Variants in TENM4 observed in about 807,000 individuals in gnomAD.
TENM4 encodes the protein teneurin transmembrane protein 4, also known as teneurin-4.
TENM4 carries 82 observed loss-of-function variants against 243.3 expected under a neutral mutation model. The observed-to-expected ratio is 0.34, with a 90% CI of 0.28 to 0.40. The LOEUF (loss-of-function observed/expected upper bound fraction) is 0.40, where lower values mean the gene tolerates loss of function less well. Among genes scored for constraint, TENM4 ranks in the 10% least tolerant of loss-of-function variants. The pLI, the probability that TENM4 is intolerant of heterozygous loss-of-function variation, is 1.00. For missense variants in TENM4, 3,138 were observed against 3,673.3 expected, an observed-to-expected ratio of 0.85 and a Z score of 3.77; for synonymous variants, 1,412 against 1,456.3, an observed-to-expected ratio of 0.97 and a Z score of 0.69.
rs184657052 is a variant in TENM4 at position 78,958,587 on chromosome 11, T to C, written c.494-55064A>G. Among the ~76,000 whole-genome samples the C allele has an allele frequency of 3.1e-3, 468 of 152,346 alleles. 7 individuals carry two copies. Among genetic ancestry groups the C allele is most frequent in the Middle Eastern group, 6.8e-3 (2 of 294 alleles). On this transcript the variant is annotated intron_variant, in intron 6 of 33. Coordinates refer to ENST00000278550, the MANE Select transcript of TENM4 (RefSeq NM_001098816.3). ...TTCTGTGATACCCCACGGTCCTCTT[T>C]GCACTTTACATGGGGATTTTAGCAG...
intron 4 of TENM4, among the ~76,000 whole-genome samples, chr11:79,106,791 T>C (rs1861380626): frequency 6.6e-6 from 1 of 152,236 alleles, no homozygotes; most frequent in Admixed American, 6.5e-5. Context: ...CTTCTGCTTT[T>C]TCTACAACAG....
intron 1 of TENM4, among the ~76,000 whole-genome samples, chr11:79,357,588 C>T (rs1475437928): frequency 1.3e-5 from 2 of 152,220 alleles, no homozygotes; most frequent in African/African-American, 4.8e-5. Flanking sequence ...CCAACCTGAT[C>T]ATAACCCATT....
intron 6 of TENM4, among the ~76,000 whole-genome samples, chr11:78,978,185 A>G (rs963110500): frequency 6.6e-6 from 1 of 151,420 alleles, no homozygotes; most frequent in African/African-American, 2.5e-5. Context: ...GGGGAAAAAC[A>G]TACACTGCAG....
rs1388123302 is a variant in TENM4, at chr11:78,903,386, G to C, written c.631C>G (p.Pro211Ala). Residue 211 changes from proline (P) to alanine (A), a missense_variant, in exon 7 of 34, where the codon CCC becomes GCC. Around this residue, in one of 2 missense-constraint regions of TENM4, gnomAD observed 671 missense variants for 614.1 expected, o/e 1.09. Coordinates refer to ENST00000278550, the MANE Select transcript of TENM4 (RefSeq NM_001098816.3). ...GAGTGGTCCGTGGGGGCCGGGCTGG[G>C]GTTGCTCCTCGGCGTGAAGTTGCCC... ...NRGNFTPRSN[P>A]SPAPTDHSLS... The C allele has an allele frequency of 1.3e-6, 2 of 1,534,240 alleles. No individual in the cohort carries two copies. The highest frequency in any genetic ancestry group is 2.8e-5 in the African/African-American group (2 of 71,944).
intron 6 of TENM4, among the ~76,000 whole-genome samples, chr11:78,907,335 G>A (rs928124336): frequency 6.7e-6 from 1 of 149,912 alleles, no homozygotes. Flanking sequence ...CGACAAATAT[G>A]CACCCTCGTC....
chr11:79,085,778 G>A, intron 4 of TENM4, among the ~76,000 whole-genome samples: 1 of 152,214 alleles, frequency 6.6e-6, no homozygotes, highest in Non-Finnish European at 1.5e-5. Context: ...GAAGTCAGAT[G>A]CAGTCTTATT....
intron 14 of TENM4, among the ~76,000 whole-genome samples, chr11:78,807,018 G>C (rs892492137): frequency 6.6e-6 from 1 of 152,060 alleles, no homozygotes; most frequent in Non-Finnish European, 1.5e-5. Context: ...GTTGTGGCAC[G>C]GCCAGAATTT....
intron 15 of TENM4, among the ~76,000 whole-genome samples, chr11:78,796,444 T>C (rs919435140): frequency 6.6e-6 from 1 of 152,144 alleles, no homozygotes; most frequent in African/African-American, 2.4e-5. Flanking sequence ...CAGCTGATGT[T>C]ACACTCTCTT....
chr11:79,204,066 C>A (rs1373523242), intron 3 of TENM4, among the ~76,000 whole-genome samples: 1 of 152,108 alleles, frequency 6.6e-6, no homozygotes, highest in Admixed American at 6.5e-5. Flanking sequence ...TTGCCTAGAC[C>A]TGGCCAAAGC....
At chr11:79,072,595 T>G (rs1279222390) in intron 4 of TENM4, among the ~76,000 whole-genome samples, 1 of 152,236 alleles carries the variant, frequency 6.6e-6, no homozygotes, top group African/African-American at 2.4e-5. Flanking sequence ...TTCACAAAAG[T>G]TATTGCATGA....
At chr11:79,033,620 G>A (rs771616141) in intron 6 of TENM4, among the ~76,000 whole-genome samples, 1 of 152,190 alleles carries the variant, frequency 6.6e-6, no homozygotes, top group Non-Finnish European at 1.5e-5. Context: ...TTTCCAGTGG[G>A]TCAATAAAAC....
chr11:79,190,829 T>TCTCCCTCTCCCTCTCCCG (rs1217065585), intron 3 of TENM4, among the ~76,000 whole-genome samples: 2 of 31,030 alleles, frequency 6.4e-5, no homozygotes, highest in African/African-American at 3.9e-4. Context: ...TCCCTCTCCC[T>TCTCCCTCTCCCTCTCCCG]TCTCCCTCTC....
intron 4 of TENM4, among the ~76,000 whole-genome samples, chr11:79,111,037 G>A (rs111765365): frequency 5.6e-4 from 85 of 152,288 alleles, no homozygotes; most frequent in African/African-American, 1.9e-3. Context: ...AGTTGTGGGA[G>A]GGAGCCGGTG....
intron 1 of TENM4, among the ~76,000 whole-genome samples, chr11:79,345,031 A>G (rs1857303890): frequency 6.6e-6 from 1 of 152,092 alleles, no homozygotes; most frequent in Admixed American, 6.5e-5. Context: ...AGAATTCCAA[A>G]TGGATTCTAT....
intron 31 of TENM4, among the ~76,000 whole-genome samples, chr11:78,671,742 G>A (rs1343628189): frequency 6.6e-6 from 1 of 152,154 alleles, no homozygotes; most frequent in Non-Finnish European, 1.5e-5. Context: ...CCCTTGGCCT[G>A]GGTCTGAACC....
chr11:79,397,272 T>C (rs76358221), intron 1 of TENM4, among the ~76,000 whole-genome samples: 3,810 of 152,288 alleles, frequency 0.025, 79 homozygotes, highest in Non-Finnish European at 0.033. Context: ...ATCCTCAACA[T>C]AGCCCCATAG....
rs143339965 is a variant in TENM4, at chr11:79,057,861, C to G, written c.493+6877G>C. Among the ~76,000 whole-genome samples, 208 of 152,286 alleles carry G rather than the reference C, an allele frequency of 1.4e-3. 3 individuals are homozygous for G. Among genetic ancestry groups the G allele is most frequent in the African/African-American group, 4.7e-3 (195 of 41,552 alleles). ...GACAAACCTTCTCTTGGTTTACCCC[C>G]AAGCTTTGCCCACATAGAATGTCCC... On this transcript the variant is annotated intron_variant, in intron 6 of 33. Transcript: ENST00000278550.
chr11:79,401,252 T>A (rs2135556344), intron 1 of TENM4, among the ~76,000 whole-genome samples: 1 of 152,290 alleles, frequency 6.6e-6, no homozygotes, highest in Non-Finnish European at 1.5e-5. Flanking sequence ...AGCCTTGTGC[T>A]AGGCACTGGA....
chr11:78,843,778 A>C (rs1448023104), intron 12 of TENM4, among the ~76,000 whole-genome samples: 3 of 152,218 alleles, frequency 2.0e-5, no homozygotes, highest in African/African-American at 7.2e-5. Context: ...GAAAGATGGA[A>C]TCTAGCAGCC....
Sources: gnomAD v4.1 joint callset for allele counts (sites outside exome capture counted in the v4.1 genomes callset) on GRCh38, gnomAD v4.1.1 for gene constraint, gnomAD v4.1.1 regional missense constraint, MANE v1.5 for transcripts, NCBI Gene and HGNC (gene_info 2026-07-23, HGNC 2026-07-21) for gene names.